The following CALCR variants were observed in gnomAD, a reference collection of about 807,000 sequenced individuals.
The protein encoded by CALCR is calcitonin receptor.
In CALCR, 47 loss-of-function variants were observed where a neutral mutation model predicts 59.5. The ratio of observed to expected loss-of-function variants is 0.79; its 90% confidence interval spans 0.63 to 1.01. The LOEUF (loss-of-function observed/expected upper bound fraction) is 1.01, where lower values mean the gene tolerates loss of function less well. CALCR is among the 50% of genes least tolerant of loss of function. The pLI is 0.00. For synonymous variants in CALCR, 213 were observed against 211.3 expected (o/e 1.01, Z -0.07); for missense variants, 566 against 597.1 (o/e 0.95, Z 0.54).
intron 2 of CALCR, among the ~76,000 whole-genome samples, chr7:93,557,078 T>C (rs919389301): frequency 6.6e-6 from 1 of 152,002 alleles, no homozygotes; most frequent in African/African-American, 2.4e-5. Context: ...GTCCTTTTTA[T>C]TTTGAATTTA....
At chr7:93,433,084 TAAC>T (rs2115677336) in intron 13 of CALCR, among the ~76,000 whole-genome samples, 1 of 152,242 alleles carries the variant, frequency 6.6e-6, no homozygotes, top group South Asian at 2.1e-4. Context: ...TAAAATGTAA[TAAC>T]TAAAATGGAG....
intron 2 of CALCR, among the ~76,000 whole-genome samples, chr7:93,562,844 A>G (rs1789779374): frequency 6.6e-6 from 1 of 152,218 alleles, no homozygotes; most frequent in South Asian, 2.1e-4. Flanking sequence ...TGAGATCAAT[A>G]TTCTTTCTTT....
chr7:93,512,243 A>G (rs1381936296), intron 2 of CALCR, among the ~76,000 whole-genome samples: 1 of 152,178 alleles, frequency 6.6e-6, no homozygotes, highest in Admixed American at 6.5e-5. Flanking sequence ...GTGACCAGGC[A>G]TCATGCTATT....
chr7:93,547,700 T>C (rs1458937917), intron 2 of CALCR, among the ~76,000 whole-genome samples: 1 of 152,172 alleles, frequency 6.6e-6, no homozygotes, highest in Non-Finnish European at 1.5e-5. Flanking sequence ...CGCAATTATG[T>C]TTCCTCACAT....
chr7:93,514,406 C>G (rs1801609525), intron 2 of CALCR, among the ~76,000 whole-genome samples: 1 of 151,850 alleles, frequency 6.6e-6, no homozygotes, highest in Non-Finnish European at 1.5e-5. Context: ...ATGAAGGATC[C>G]ATGCTGAGGA....
chr7:93,517,987 A>G (rs1198258474), intron 2 of CALCR, among the ~76,000 whole-genome samples: 1 of 151,936 alleles, frequency 6.6e-6, no homozygotes. Flanking sequence ...ACCTTTGGGA[A>G]AAAATGGGTT....
At chr7:93,553,290 A>T (rs144716998) in intron 2 of CALCR, among the ~76,000 whole-genome samples, 1 of 152,230 alleles carries the variant, frequency 6.6e-6, no homozygotes, top group Non-Finnish European at 1.5e-5. Flanking sequence ...TCAATATGTC[A>T]AAGAGTTTCC....
In CALCR at chr7:93,487,253, A is replaced by G. The variant is rs565612955; in HGVS notation, c.-26-246T>C. On this transcript the variant is annotated intron_variant, in intron 2 of 13. Transcript: ENST00000426151. The stretch of plus-strand genomic sequence containing the variant: ...TAAGAAATTCTGGCACTACCTTTGC[A>G]TATTAGGACAGAAATAAAGACATTC... Among the ~76,000 whole-genome samples, 304 of 151,530 alleles carry G rather than the reference A, an allele frequency of 2.0e-3. 1 individual carries two copies. The highest frequency in any genetic ancestry group is 3.4e-3 in the Non-Finnish European group (231 of 67,574).
At chr7:93,498,289 T>C (rs1289285746) in intron 2 of CALCR, among the ~76,000 whole-genome samples, 5 of 151,642 alleles carry the variant, frequency 3.3e-5, no homozygotes, top group African/African-American at 9.7e-5. Context: ...AAGCATTCAA[T>C]GAATGAACAA....
chr7:93,489,792 A>C (rs1801033588), intron 2 of CALCR, among the ~76,000 whole-genome samples: 1 of 152,024 alleles, frequency 6.6e-6, no homozygotes, highest in African/African-American at 2.4e-5. Context: ...AAAAATGTCC[A>C]GGACCAAATG....
chr7:93,492,586 C>T (rs575901845), intron 2 of CALCR, among the ~76,000 whole-genome samples: 1 of 151,384 alleles, frequency 6.6e-6, no homozygotes, highest in Non-Finnish European at 1.5e-5. Context: ...CATACACGCA[C>T]ACACGTATTA....
At chr7:93,545,617 CAAG>C (rs1789266940) in intron 2 of CALCR, among the ~76,000 whole-genome samples, 1 of 152,078 alleles carries the variant, frequency 6.6e-6, no homozygotes, top group Non-Finnish European at 1.5e-5. Flanking sequence ...CCTATGCTGG[CAAG>C]AAGTATAGAG....
At chr7:93,557,659 T>C (rs2116254034) in intron 2 of CALCR, among the ~76,000 whole-genome samples, 1 of 152,112 alleles carries the variant, frequency 6.6e-6, no homozygotes, top group African/African-American at 2.4e-5. Flanking sequence ...TTGTGTTATG[T>C]TTATGATTAT....
intron 8 of CALCR, among the ~76,000 whole-genome samples, chr7:93,453,491 A>G (rs1369176016): frequency 6.6e-6 from 1 of 152,032 alleles, no homozygotes; most frequent in Admixed American, 6.6e-5. Context: ...TCACTTCACA[A>G]CGTTCCAGCA....
chr7:93,564,779 G>A (rs902545086), intron 2 of CALCR, among the ~76,000 whole-genome samples: 2 of 151,544 alleles, frequency 1.3e-5, no homozygotes, highest in African/African-American at 4.9e-5. Flanking sequence ...CCTGAAGGTA[G>A]CCCGTGTTTA....
chr7:93,557,920 A>G (rs760125474), intron 2 of CALCR, among the ~76,000 whole-genome samples: 11 of 151,750 alleles, frequency 7.2e-5, no homozygotes, highest in Non-Finnish European at 1.2e-4. Flanking sequence ...GTATGTTTTG[A>G]CCCTTGAAAA....
chr7:93,565,612 G>T (rs1280158835), intron 2 of CALCR, among the ~76,000 whole-genome samples: 1 of 152,162 alleles, frequency 6.6e-6, no homozygotes, highest in Non-Finnish European at 1.5e-5. Context: ...CTCGAGCAAG[G>T]ATCATTCACC....
intron 3 of CALCR, chr7:93,482,860 T>C (rs1800829262): frequency 1.9e-6 from 1 of 533,280 alleles, no homozygotes; most frequent in Admixed American, 1.9e-5. Context: ...AATGAAAAAT[T>C]AGAACCTCTG....
intron 2 of CALCR, among the ~76,000 whole-genome samples, chr7:93,509,860 A>C (rs1160636717): frequency 3.9e-5 from 6 of 152,156 alleles, no homozygotes; most frequent in Non-Finnish European, 7.4e-5. Context: ...GTTGAATCCC[A>C]AAAAGTGGAT....
Sources: gnomAD v4.1 joint callset for allele counts (sites outside exome capture counted in the v4.1 genomes callset) on GRCh38, gnomAD v4.1.1 for gene constraint, MANE v1.5 for transcripts, NCBI Gene and HGNC (gene_info 2026-07-23, HGNC 2026-07-21) for gene names.